Variants in TEX26 observed in about 807,000 individuals in gnomAD.
TEX26 encodes testis expressed 26.
TEX26 carries 34 observed loss-of-function variants against 35.3 expected under a neutral mutation model. The ratio of observed to expected loss-of-function variants is 0.96; its 90% CI spans 0.73 to 1.28. The LOEUF (loss-of-function observed/expected upper bound fraction) is 1.28. Among genes scored for constraint, TEX26 ranks in the 50% most tolerant of loss-of-function variants. TEX26 has a pLI of 0.00. For synonymous variants in TEX26, 136 were observed against 111.8 expected (o/e 1.22, Z -1.36); for missense variants, 371 against 330.1 (o/e 1.12, Z -0.96).
At chr13:30,932,861 G>C in intron 1 of TEX26, 85 bp downstream of exon 1, 1 of 1,451,408 alleles carries the variant, frequency 6.9e-7, no homozygotes, top group Non-Finnish European at 9.4e-7. Context: ...AGGGGCCTTA[G>C]TATTTAAGGG....
rs1555271791 is a variant in TEX26 at position 30,974,131 on chromosome 13, A to AATATATATATATATATAT, written c.809-707_809-690dup. 1.5e-4 allele frequency among the ~76,000 whole-genome samples: 13 copies of AATATATATATATATATAT among 84,410 alleles called. 1 individual carries two copies. Among genetic ancestry groups the AATATATATATATATATAT allele is most frequent in the African/African-American group, 4.3e-4 (9 of 21,064 alleles). 55.4% of individuals were successfully genotyped at this position (84,410 alleles called of 152,430 possible). On this transcript the variant is annotated intron_variant, in intron 6 of 6. Coordinates refer to ENST00000380473, the MANE Select transcript of TEX26 (RefSeq NM_152325.3). Reference sequence around the variant, plus strand: ...GTGAGCCTCCATCTAAAAAAAAAAAAATATATATATATATATATATATATA... The same window carrying AATATATATATATATATAT: ...GTGAGCCTCCATCTAAAAAAAAAAAAATATATATATATATATATATATATATATATATATATATATATA...
In TEX26 at chr13:30,969,581, T is replaced by C. The variant is rs563099928; in HGVS notation, c.808+535T>C. 2.3e-4 allele frequency among the ~76,000 whole-genome samples: 35 copies of C among 152,214 alleles called. No homozygotes were observed. In the South Asian group the frequency reaches 5.8e-3, roughly 25 times the overall value. ...AGTGACTGGAATTGATTTGGGGGCA[T>C]CTTAGGGGCAACAGGTCAGTCTGAG... On this transcript the variant is annotated intron_variant, in intron 6 of 6. Coordinates refer to ENST00000380473, the MANE Select transcript of TEX26 (RefSeq NM_152325.3).
intron 3 of TEX26, 37 bp downstream of exon 3, chr13:30,952,862 T>A (rs200748405): frequency 4.5e-6 from 7 of 1,548,690 alleles, no homozygotes; most frequent in Non-Finnish European, 6.2e-6. Flanking sequence ...AATTTAATAC[T>A]GTACTGTATC....
chr13:30,968,680 G>A (rs1954619899), intron 5 of TEX26, among the ~76,000 whole-genome samples: 1 of 152,128 alleles, frequency 6.6e-6, no homozygotes, highest in Non-Finnish European at 1.5e-5. Flanking sequence ...GCAGCAACAG[G>A]CTGGAAGTCC....
intron 6 of TEX26, among the ~76,000 whole-genome samples, chr13:30,972,691 G>A (rs1254445676): frequency 6.6e-6 from 1 of 152,224 alleles, no homozygotes; most frequent in African/African-American, 2.4e-5. Flanking sequence ...CTGGAGCGCA[G>A]TGGCGTGATA....
intron 1 of TEX26, chr13:30,937,000 C>A (rs1953296141): frequency 1.0e-6 from 1 of 984,512 alleles, no homozygotes; most frequent in Admixed American, 6.2e-5. Flanking sequence ...ACAGCCCTTA[C>A]AAAAAGAGTT....
intron 3 of TEX26, among the ~76,000 whole-genome samples, chr13:30,954,664 C>A (rs976906187): frequency 2.1e-4 from 32 of 151,992 alleles, no homozygotes; most frequent in African/African-American, 7.0e-4. Context: ...CACTCTGTTT[C>A]CCAGGCTGGT....
At chr13:30,939,833 T>C in intron 2 of TEX26, 55 bp downstream of exon 2, 1 of 1,487,940 alleles carries the variant, frequency 6.7e-7, no homozygotes, top group Non-Finnish European at 9.3e-7. Context: ...TTGACTTGTC[T>C]TTTATGACTC....
intron 1 of TEX26, chr13:30,933,546 T>C (rs1953153438): frequency 6.6e-6 from 1 of 152,244 alleles, no homozygotes; most frequent in African/African-American, 2.4e-5. Context: ...ACAGTGGCTA[T>C]GGAGCAGTGA....
intron 1 of TEX26, 145 bp from the exon 2 acceptor site, chr13:30,939,549 G>A: frequency 1.6e-6 from 1 of 611,798 alleles, no homozygotes; most frequent in Non-Finnish European, 2.9e-6. Context: ...ATTAGAGGCT[G>A]TATTTTGGCC....
chr13:30,966,940 C>T (rs1954559527), intron 5 of TEX26, among the ~76,000 whole-genome samples: 1 of 152,180 alleles, frequency 6.6e-6, no homozygotes, highest in South Asian at 2.1e-4. Flanking sequence ...TGACTGACTG[C>T]TTAGGCCAAG....
Position 30,974,987 on chromosome 13 carries a change from C to A in TEX26, c.*80C>A. Reference sequence around the variant, plus strand: ...CATTCCTAGTCATTTTCTCAATTATCAAGGAAAAATAAGATGCAAATAGCT... The same window carrying A: ...CATTCCTAGTCATTTTCTCAATTATAAAGGAAAAATAAGATGCAAATAGCT... On this transcript the variant is annotated 3_prime_UTR_variant, in exon 7 of 7. Transcript: ENST00000380473. 1 of 1,007,948 alleles carries A rather than the reference C, an allele frequency of 9.9e-7. No individual in the cohort carries two copies. The highest frequency in any genetic ancestry group is 1.4e-6 in the Non-Finnish European group (1 of 698,768). The allele number at this position is 1,007,948 out of a possible 1,614,324, so 62.4% of individuals were successfully genotyped here. A position where few individuals can be genotyped will look rare whatever the true frequency, so the allele number is the denominator to read the frequency against.
chr13:30,964,208 T>C (rs1408457670), intron 4 of TEX26, among the ~76,000 whole-genome samples: 2 of 152,208 alleles, frequency 1.3e-5, no homozygotes, highest in Non-Finnish European at 2.9e-5. Flanking sequence ...CTTAAGCACA[T>C]GGGCGGTTTG....
chr13:30,950,729 C>T (rs1012935758), intron 2 of TEX26, among the ~76,000 whole-genome samples: 2 of 152,190 alleles, frequency 1.3e-5, no homozygotes, highest in African/African-American at 4.8e-5. Context: ...TATAGAAATA[C>T]ACATGACATT....
chr13:30,952,553 A>T, intron 2 of TEX26, 107 bp from the exon 3 acceptor site: 1 of 949,602 alleles, frequency 1.1e-6, no homozygotes, highest in Non-Finnish European at 1.5e-6. Context: ...CTCTTATGCC[A>T]ATCAATCTTT....
intron 4 of TEX26, 58 bp from the exon 5 acceptor site, chr13:30,966,164 G>T (rs1272883943): frequency 1.3e-6 from 2 of 1,596,008 alleles, no homozygotes; most frequent in Non-Finnish European, 1.7e-6. Context: ...GCAAGAGTGG[G>T]TTTAGCTACT....
At chr13:30,944,448 GTTC>G (rs2138203770) in intron 2 of TEX26, among the ~76,000 whole-genome samples, 1 of 150,904 alleles carries the variant, frequency 6.6e-6, no homozygotes, top group South Asian at 2.1e-4. Context: ...ATTTCATTTT[GTTC>G]TTCTCCGATC....
chr13:30,966,812 C>T lies in TEX26; in HGVS notation c.646+414C>T, dbSNP rs576812899. ...CTCCAAAACTTCTCAACACAGAGGG[C>T]GCTGGCAGCCCGTTTTGGTAATAGT... On this transcript the variant is annotated intron_variant, in intron 5 of 6. Transcript: ENST00000380473. 2.6e-5 allele frequency among the ~76,000 whole-genome samples: 4 copies of T among 152,276 alleles called. No individual in the cohort carries two copies. In the South Asian group the frequency reaches 6.2e-4, roughly 24 times the overall value.
intron 2 of TEX26, among the ~76,000 whole-genome samples, chr13:30,947,051 T>C (rs1244326830): frequency 6.6e-6 from 1 of 152,126 alleles, no homozygotes; most frequent in Non-Finnish European, 1.5e-5. Context: ...TATACTTCTT[T>C]GCAACTATTT....
Sources: allele counts gnomAD v4.1 joint callset (sites outside exome capture counted in the v4.1 genomes callset), GRCh38; gene constraint gnomAD v4.1.1; transcripts MANE v1.5; gene names NCBI Gene and HGNC (gene_info 2026-07-23, HGNC 2026-07-21).